Variants in DGKB observed in about 807,000 individuals in gnomAD.
The protein encoded by DGKB is diacylglycerol kinase beta.
In DGKB, 67 loss-of-function variants were observed where a neutral mutation model predicts 114.3. The observed-to-expected ratio is 0.59, with a 90% CI of 0.48 to 0.72. The LOEUF (loss-of-function observed/expected upper bound fraction) is 0.72. Ranked by LOEUF, DGKB falls within the 30% of genes least tolerant of loss-of-function variation. The pLI is 0.00. For missense variants in DGKB, 907 were observed against 975.2 expected (o/e 0.93, Z 0.93); for synonymous variants, 398 against 323.1 (o/e 1.23, Z -2.49).
intron 2 of DGKB, among the ~76,000 whole-genome samples, chr7:14,778,575 AT>A (rs946694016): frequency 3.3e-4 from 50 of 152,130 alleles, no homozygotes; most frequent in African/African-American, 1.2e-3. Flanking sequence ...CAGTTGCTTG[AT>A]TTTTTAGAAG....
chr7:14,737,698 T>C (rs1277018401), intron 4 of DGKB, among the ~76,000 whole-genome samples: 1 of 152,168 alleles, frequency 6.6e-6, no homozygotes, highest in Non-Finnish European at 1.5e-5. Context: ...AGTTTCACTT[T>C]GCTTATTGAT....
rs539214021 is a variant in DGKB at position 14,510,749 on chromosome 7, G to A, written c.1771-32524C>T. On this transcript the variant is annotated intron_variant, in intron 20 of 25. Coordinates refer to ENST00000402815, the MANE Select transcript of DGKB (RefSeq NM_001350709.2). ...TATGACAGCTATAGCCTTACAAAAT[G>A]TATTTCTTAAATAATAAGATGTGAA... Among the ~76,000 whole-genome samples, 398 of 152,282 alleles carry A rather than the reference G, an allele frequency of 2.6e-3. 2 individuals are homozygous for A. The highest frequency in any genetic ancestry group is 8.7e-3 in the African/African-American group (362 of 41,552).
chr7:14,629,388 G>A (rs139604735), intron 14 of DGKB, among the ~76,000 whole-genome samples: 4 of 151,408 alleles, frequency 2.6e-5, no homozygotes, highest in South Asian at 2.1e-4. Flanking sequence ...TTAATTTAAC[G>A]AAGAGGTCTA....
At chr7:14,610,742 G>T (rs1288521364) in intron 16 of DGKB, among the ~76,000 whole-genome samples, 1 of 151,796 alleles carries the variant, frequency 6.6e-6, no homozygotes, top group Admixed American at 6.6e-5. Context: ...GAAAACCTAG[G>T]AAATACCCTA....
chr7:14,894,475 G>A (rs1330519300), intron 1 of DGKB, among the ~76,000 whole-genome samples: 1 of 151,322 alleles, frequency 6.6e-6, no homozygotes, highest in Non-Finnish European at 1.5e-5. Flanking sequence ...ATATGGCATT[G>A]CTATATATTG....
intron 1 of DGKB, among the ~76,000 whole-genome samples, chr7:14,930,023 C>T (rs1784926079): frequency 6.6e-6 from 1 of 152,000 alleles, no homozygotes; most frequent in Non-Finnish European, 1.5e-5. Context: ...TCAAAGATCT[C>T]TTGGCTGAGA....
At chr7:14,259,231 T>A (rs1383821944) in intron 23 of DGKB, among the ~76,000 whole-genome samples, 1 of 152,110 alleles carries the variant, frequency 6.6e-6, no homozygotes, top group Non-Finnish European at 1.5e-5. Flanking sequence ...GTGTAGAAAT[T>A]GTTGACATAA....
At chr7:14,930,129 T>C (rs1487274765) in intron 1 of DGKB, among the ~76,000 whole-genome samples, 1 of 152,208 alleles carries the variant, frequency 6.6e-6, no homozygotes, top group African/African-American at 2.4e-5. Flanking sequence ...ACTATAGCCC[T>C]ATAGCATAAT....
At chr7:14,542,085 A>C (rs114731443) in intron 20 of DGKB, among the ~76,000 whole-genome samples, 141 of 152,246 alleles carry the variant, frequency 9.3e-4, no homozygotes, top group African/African-American at 3.3e-3. Context: ...CATTCCTTTT[A>C]AGTGATCAAT....
At chr7:14,689,352 T>A (rs924493845) in intron 9 of DGKB, among the ~76,000 whole-genome samples, 1 of 152,072 alleles carries the variant, frequency 6.6e-6, no homozygotes, top group African/African-American at 2.4e-5. Context: ...ATTTTTTGTA[T>A]TTTTAGTAGA....
At chr7:14,702,709 A>G (rs1047240632) in intron 6 of DGKB, among the ~76,000 whole-genome samples, 2 of 152,198 alleles carry the variant, frequency 1.3e-5, no homozygotes, top group Non-Finnish European at 2.9e-5. Flanking sequence ...TCTGAAGTCT[A>G]TAATATTAAT....
chr7:14,638,764 G>C (rs574199423), intron 13 of DGKB, among the ~76,000 whole-genome samples: 1 of 152,144 alleles, frequency 6.6e-6, no homozygotes. Flanking sequence ...AGTGAGGGCC[G>C]GGTGCAGTGG....
intron 2 of DGKB, among the ~76,000 whole-genome samples, chr7:14,830,430 G>T (rs1311430932): frequency 6.6e-6 from 1 of 151,998 alleles, no homozygotes; most frequent in African/African-American, 2.4e-5. Flanking sequence ...CCATAGTGAG[G>T]CTGTAAACCA....
At chr7:14,715,885 T>G (rs1211845903) in intron 6 of DGKB, among the ~76,000 whole-genome samples, 1 of 152,188 alleles carries the variant, frequency 6.6e-6, no homozygotes. Flanking sequence ...GGACTTCCTG[T>G]AATCAGTAAA....
chr7:14,555,148 A>G (rs963840408), intron 20 of DGKB, among the ~76,000 whole-genome samples: 5 of 152,148 alleles, frequency 3.3e-5, no homozygotes, highest in African/African-American at 1.2e-4. Flanking sequence ...TAGAAATATG[A>G]ATTTGTTTTT....
chr7:14,817,434 T>TA (rs902787753), intron 2 of DGKB, among the ~76,000 whole-genome samples: 2 of 152,136 alleles, frequency 1.3e-5, no homozygotes, highest in Non-Finnish European at 2.9e-5. Flanking sequence ...TGATATTTTT[T>TA]AAAAAATCAA....
At chr7:14,713,085 T>C (rs892075741) in intron 6 of DGKB, among the ~76,000 whole-genome samples, 5 of 152,132 alleles carry the variant, frequency 3.3e-5, no homozygotes, top group African/African-American at 1.2e-4. Context: ...GCTCATGTCA[T>C]TTCACTTTAT....
chr7:14,870,051 G>A (rs1045599792), intron 1 of DGKB, among the ~76,000 whole-genome samples: 5 of 152,020 alleles, frequency 3.3e-5, no homozygotes, highest in African/African-American at 9.7e-5. Context: ...TGCATCTTGG[G>A]TGTCTTGGCT....
At chr7:14,710,783 A>G (rs948263604) in intron 6 of DGKB, among the ~76,000 whole-genome samples, 1 of 152,106 alleles carries the variant, frequency 6.6e-6, no homozygotes, top group African/African-American at 2.4e-5. Flanking sequence ...TTATTCTCTT[A>G]ATGTGGCATA....
Sources: gnomAD v4.1 joint callset for allele counts (sites outside exome capture counted in the v4.1 genomes callset) on GRCh38, gnomAD v4.1.1 for gene constraint, MANE v1.5 for transcripts, NCBI Gene and HGNC (gene_info 2026-07-23, HGNC 2026-07-21) for gene names.